MYT1L: variants seen among roughly 807,000 people sequenced by gnomAD.
MYT1L encodes myelin transcription factor 1-like protein.
MYT1L carries 12 observed loss-of-function variants against 126.7 expected under a neutral mutation model. The ratio of observed to expected loss-of-function variants is 0.09; its 90% CI spans 0.06 to 0.15. MYT1L has a LOEUF of 0.15. MYT1L is among the 10% of genes least tolerant of loss of function. MYT1L has a pLI of 1.00. For synonymous variants in MYT1L, 541 were observed against 604.2 expected (o/e 0.90, Z 1.53); for missense variants, 979 against 1,585.2 (o/e 0.62, Z 6.49).
At chr2:1,989,834 C>T (rs1353475292) in intron 5 of MYT1L, among the ~76,000 whole-genome samples, 2 of 152,000 alleles carry the variant, frequency 1.3e-5, no homozygotes, top group Non-Finnish European at 2.9e-5. Context: ...CCCGTCTCTA[C>T]CAAAAATACA....
At chr2:2,148,265 G>A (rs1192665757) in intron 3 of MYT1L, among the ~76,000 whole-genome samples, 3 of 152,208 alleles carry the variant, frequency 2.0e-5, no homozygotes, top group Admixed American at 6.5e-5. Flanking sequence ...GGACAGTGAC[G>A]GGGTGGAGAT....
intron 2 of MYT1L, among the ~76,000 whole-genome samples, chr2:2,260,841 G>T (rs1294690784): frequency 6.6e-6 from 1 of 152,190 alleles, no homozygotes; most frequent in African/African-American, 2.4e-5. Flanking sequence ...GCTCATCGGT[G>T]ACCTGGCCTG....
In MYT1L at chr2:2,095,580, G is replaced by A. The variant is rs73911346; in HGVS notation, c.-303-41457C>T. ...TGGCCGCGGGGGGTCACTACACCAA[G>A]GAATTCTTGGTTTTCACTGTGTCTA... On this transcript the variant is annotated intron_variant, in intron 3 of 24. Transcript: ENST00000647738. Among the ~76,000 whole-genome samples, 1,293 of 152,254 alleles carry A rather than the reference G, an allele frequency of 8.5e-3. 19 individuals are homozygous for A. Among genetic ancestry groups the A allele is most frequent in the African/African-American group, 0.029 (1,205 of 41,524 alleles).
At position 1,867,529 on chromosome 2, in the gene MYT1L, G is replaced by T. The variant is rs115168161; in HGVS notation, c.2712-15826C>A. On this transcript the variant is annotated intron_variant, in intron 18 of 24. Transcript: ENST00000647738. ...GGTGTTCCTTGCCTCTGGCTGGGGA[G>T]AGGAAGCTCATCTGTCAGAGGAGGA... Among the ~76,000 whole-genome samples the T allele has an allele frequency of 7.4e-3, 1,128 of 152,310 alleles. 9 individuals carry two copies. The highest frequency in any genetic ancestry group is 0.012 in the South Asian group (56 of 4,822).
intron 9 of MYT1L, among the ~76,000 whole-genome samples, chr2:1,941,608 A>C (rs567895038): frequency 1.3e-5 from 2 of 152,294 alleles, no homozygotes; most frequent in South Asian, 2.1e-4. Context: ...TTCTCTACCC[A>C]GCATTCTACC....
chr2:2,253,109 G>A (rs2094698558), intron 2 of MYT1L, among the ~76,000 whole-genome samples: 1 of 151,824 alleles, frequency 6.6e-6, no homozygotes, highest in South Asian at 2.1e-4. Context: ...TTTTGCTATT[G>A]TGGCACCTTT....
intron 2 of MYT1L, among the ~76,000 whole-genome samples, chr2:2,275,424 T>C (rs2095342390): frequency 6.6e-6 from 1 of 152,088 alleles, no homozygotes; most frequent in Non-Finnish European, 1.5e-5. Context: ...CTTCTGGTCA[T>C]GGGATGTCAG....
chr2:2,217,669 T>TCAACAA lies in MYT1L; in HGVS notation c.-420-44687_-420-44682dup, dbSNP rs201935161. Among the ~76,000 whole-genome samples the TCAACAA allele has an allele frequency of 3.3e-3, 304 of 92,208 alleles. 6 individuals carry two copies. Among genetic ancestry groups the TCAACAA allele is most frequent in the East Asian group, 0.017 (61 of 3,694 alleles). The allele number at this position is 92,208 out of a possible 152,430, so 60.5% of individuals were successfully genotyped here. On this transcript the variant is annotated intron_variant, in intron 2 of 24. Transcript: ENST00000647738. The stretch of plus-strand genomic sequence containing the variant: ...CTGGGGGACAGAACAAAACTCCATC[T>TCAACAA]CAACAACAACAACAACAACAACAAC...
At chr2:2,233,925 T>G (rs964647368) in intron 2 of MYT1L, among the ~76,000 whole-genome samples, 2 of 152,170 alleles carry the variant, frequency 1.3e-5, no homozygotes, top group Non-Finnish European at 2.9e-5. Flanking sequence ...TGTTTTTGTG[T>G]TTTTCTTCAT....
chr2:2,143,674 G>C (rs1356101155), intron 3 of MYT1L, among the ~76,000 whole-genome samples: 1 of 152,064 alleles, frequency 6.6e-6, no homozygotes, highest in Middle Eastern at 3.2e-3. Flanking sequence ...TGAGACATGG[G>C]GTGGCATTTG....
At chr2:1,945,289 G>A (rs192755413) in intron 8 of MYT1L, among the ~76,000 whole-genome samples, 154 of 152,308 alleles carry the variant, frequency 1.0e-3, no homozygotes, top group East Asian at 9.7e-4. Context: ...GGTGCGAAGC[G>A]GAGGACAGAA....
Position 2,120,710 on chromosome 2 carries a change from T to A in MYT1L, c.-304+52162A>T, listed in dbSNP as rs893643472. 2.6e-5 allele frequency among the ~76,000 whole-genome samples: 4 copies of A among 152,068 alleles called. No individual in the cohort carries two copies. In the South Asian group the frequency reaches 8.3e-4, roughly 32 times the overall value. ...AGGTAACTCTTAAGGTATTACTTGT[T>A]CCTATAAAGCAGTTTGTAAATTACG... On this transcript the variant is annotated intron_variant, in intron 3 of 24. Transcript: ENST00000647738.
At chr2:1,962,588 G>A (rs985653546) in intron 8 of MYT1L, among the ~76,000 whole-genome samples, 4 of 152,138 alleles carry the variant, frequency 2.6e-5, no homozygotes, top group Non-Finnish European at 5.9e-5. Flanking sequence ...TTTCTCTGTA[G>A]CACATGGTGC....
intron 2 of MYT1L, among the ~76,000 whole-genome samples, chr2:2,275,246 G>T (rs1434030908): frequency 2.0e-5 from 3 of 148,254 alleles, no homozygotes; most frequent in Non-Finnish European, 3.0e-5. Context: ...GTGTGTGTGT[G>T]CATGCCTGTT....
In MYT1L at chr2:1,912,409, G is replaced by A. The variant is rs1215490738; in HGVS notation, c.1619-299C>T. ...GCTAAGGGCCTCACACAGCAGAGGC[G>A]CTGGAGCCAGGAGCTGGGGAGTTCA... On this transcript the variant is annotated intron_variant, in intron 11 of 24. Coordinates refer to ENST00000647738, the MANE Select transcript of MYT1L (RefSeq NM_001303052.2). The surrounding 1 kb of genome is among the most constrained non-coding windows in gnomAD (Gnocchi z 4.3). Among the ~76,000 whole-genome samples, 1 of 152,160 alleles carries A rather than the reference G, an allele frequency of 6.6e-6. No homozygotes were observed. The highest frequency in any genetic ancestry group is 2.4e-5 in the African/African-American group (1 of 41,440).
At chr2:2,271,799 G>A (rs1479857414) in intron 2 of MYT1L, among the ~76,000 whole-genome samples, 1 of 152,176 alleles carries the variant, frequency 6.6e-6, no homozygotes, top group African/African-American at 2.4e-5. Flanking sequence ...AGGATGCCAT[G>A]CCCATGACCT....
At chr2:2,211,680 C>T (rs954845210) in intron 2 of MYT1L, among the ~76,000 whole-genome samples, 4 of 151,896 alleles carry the variant, frequency 2.6e-5, no homozygotes, top group African/African-American at 9.7e-5. Context: ...TGGCGGGCGC[C>T]TCTAGTCCCA....
intron 8 of MYT1L, among the ~76,000 whole-genome samples, chr2:1,966,394 T>C (rs79643589): frequency 0.011 from 1,642 of 152,246 alleles, 45 homozygotes; most frequent in African/African-American, 0.038. Flanking sequence ...AATTTGAAAA[T>C]CGTTATATTC....
At chr2:1,807,076 TG>T (rs1458265616) in intron 22 of MYT1L, among the ~76,000 whole-genome samples, 1 of 152,050 alleles carries the variant, frequency 6.6e-6, no homozygotes, top group Non-Finnish European at 1.5e-5. Flanking sequence ...GTTGTGAGGG[TG>T]GGTCAGGGTA....
Sources: gnomAD v4.1 joint callset for allele counts (sites outside exome capture counted in the v4.1 genomes callset) on GRCh38, gnomAD v4.1.1 for gene constraint, Gnocchi (gnomAD v3.1) non-coding constraint, MANE v1.5 for transcripts, NCBI Gene and HGNC (gene_info 2026-07-23, HGNC 2026-07-21) for gene names.